The following ERC1 variants were observed in gnomAD, a reference collection of about 807,000 sequenced individuals.
ERC1 encodes ELKS/RAB6-interacting/CAST family member 1, also known as RAB6 interacting protein 2.
A neutral mutation model predicts 132.0 loss-of-function variants in ERC1; 56 were observed. The observed-to-expected ratio is 0.42, with a 90% CI of 0.34 to 0.53. ERC1 has a LOEUF of 0.53. Among genes scored for constraint, ERC1 ranks in the 20% least tolerant of loss-of-function variants. The pLI is 0.03. For missense variants in ERC1, 1,202 were observed against 1,349.9 expected, an observed-to-expected ratio of 0.89 and a Z score of 1.72; for synonymous variants, 478 against 476.1, an observed-to-expected ratio of 1.00 and a Z score of -0.05.
intron 8 of ERC1, among the ~76,000 whole-genome samples, chr12:1,161,993 T>A (rs924246657): frequency 6.6e-6 from 1 of 152,248 alleles, no homozygotes; most frequent in East Asian, 1.9e-4. Flanking sequence ...CTGAGCACAA[T>A]GGCAGTTATG....
At chr12:1,140,506 C>T (rs1283479714) in intron 7 of ERC1, among the ~76,000 whole-genome samples, 1 of 152,140 alleles carries the variant, frequency 6.6e-6, no homozygotes, top group Non-Finnish European at 1.5e-5. Flanking sequence ...TCAAAAAGTT[C>T]TGGAGTTTGG....
intron 17 of ERC1, among the ~76,000 whole-genome samples, chr12:1,434,193 T>G (rs2092885870): frequency 6.6e-6 from 1 of 152,172 alleles, no homozygotes; most frequent in South Asian, 2.1e-4. Context: ...ATTCTCTGAT[T>G]ATATCAAAAA....
At chr12:1,022,243 A>G (rs1966496598) in intron 1 of ERC1, among the ~76,000 whole-genome samples, 2 of 152,308 alleles carry the variant, frequency 1.3e-5, no homozygotes, top group South Asian at 4.1e-4. Flanking sequence ...ATTGTGATCC[A>G]GTATGCACAT....
intron 1 of ERC1, among the ~76,000 whole-genome samples, chr12:1,018,226 G>C (rs532984828): frequency 2.0e-5 from 3 of 152,196 alleles, no homozygotes; most frequent in African/African-American, 7.2e-5. Flanking sequence ...TTTTTATTCA[G>C]AGTCTCACTC....
At chr12:1,000,591 C>T (rs960106635) in intron 1 of ERC1, among the ~76,000 whole-genome samples, 3 of 151,382 alleles carry the variant, frequency 2.0e-5, no homozygotes, top group South Asian at 2.1e-4. Context: ...GGTGAAACCC[C>T]GTCTCTACTA....
At position 1,493,546 on chromosome 12, in the gene ERC1, A is replaced by AGTATATATATATAT. The variant is rs58984591; in HGVS notation, c.*3316_*3317insGTATATATATATAT. ...AGACTCCATTTAAAAAAAAAAAAAAAAAATATATATATATATATATATATA... is the reference window on the plus strand; with the variant it reads ...AGACTCCATTTAAAAAAAAAAAAAAAGTATATATATATATAAATATATATATATATATATATATA... On this transcript the variant is annotated 3_prime_UTR_variant, in exon 19 of 19. Transcript: ENST00000360905. 4.2e-5 allele frequency: 1 copy of AGTATATATATATAT among 24,062 alleles called. No individual in the cohort carries two copies. The allele number at this position is 24,062 out of a possible 1,614,324, so 1.5% of individuals were successfully genotyped here. A position where few individuals can be genotyped will look rare whatever the true frequency, so the allele number is the denominator to read the frequency against.
At chr12:1,434,631 G>A (rs997038353) in intron 17 of ERC1, among the ~76,000 whole-genome samples, 7 of 152,182 alleles carry the variant, frequency 4.6e-5, no homozygotes, top group Non-Finnish European at 8.8e-5. Context: ...TTGATCTCCA[G>A]TCCCTGCTTA....
In ERC1 at chr12:1,492,232, G is replaced by C. The variant is rs1592395454; in HGVS notation, c.*2002G>C. On this transcript the variant is annotated 3_prime_UTR_variant, in exon 19 of 19. Transcript: ENST00000360905. ...AGGCTGGCCAGAGAGGGGTGCAGGGGTTAGATAGTAAGTGGTGGTCGTTTG... is the reference window on the plus strand; with the variant it reads ...AGGCTGGCCAGAGAGGGGTGCAGGGCTTAGATAGTAAGTGGTGGTCGTTTG... The C allele has an allele frequency of 4.3e-6, 1 of 233,278 alleles. No homozygotes were observed. Among genetic ancestry groups the C allele is most frequent in the Non-Finnish European group, 8.5e-6 (1 of 118,062 alleles). 14.5% of individuals were successfully genotyped at this position (233,278 alleles called of 1,614,324 possible).
At chr12:1,276,457 C>T (rs2078279388) in intron 14 of ERC1, among the ~76,000 whole-genome samples, 3 of 152,024 alleles carry the variant, frequency 2.0e-5, no homozygotes, top group African/African-American at 7.2e-5. Context: ...CCAGGCTGGT[C>T]TCGAACTCCT....
intron 8 of ERC1, among the ~76,000 whole-genome samples, chr12:1,142,444 G>T (rs1358531046): frequency 6.6e-6 from 1 of 152,090 alleles, no homozygotes; most frequent in African/African-American, 2.4e-5. Context: ...AAAAAATGTT[G>T]TACATGTTTA....
At chr12:1,054,470 C>T (rs1420053819) in intron 2 of ERC1, among the ~76,000 whole-genome samples, 1 of 151,794 alleles carries the variant, frequency 6.6e-6, no homozygotes, top group African/African-American at 2.4e-5. Flanking sequence ...CTAGTTTGTC[C>T]CTTGCCTGTT....
At chr12:1,129,952 A>G (rs1048641313) in intron 7 of ERC1, among the ~76,000 whole-genome samples, 15 of 152,150 alleles carry the variant, frequency 9.9e-5, no homozygotes, top group African/African-American at 3.1e-4. Context: ...AAAACTCGCA[A>G]ATCAATTGAG....
intron 14 of ERC1, among the ~76,000 whole-genome samples, chr12:1,288,203 G>A (rs2079166876): frequency 6.6e-6 from 1 of 152,142 alleles, no homozygotes; most frequent in Admixed American, 6.5e-5. Context: ...GGAATCAATG[G>A]TATATGTTCA....
chr12:1,214,303 G>T (rs1341923514), intron 12 of ERC1, among the ~76,000 whole-genome samples: 4 of 152,176 alleles, frequency 2.6e-5, no homozygotes, highest in Non-Finnish European at 4.4e-5. Flanking sequence ...TTTGGGTAAT[G>T]ATTTAATTTT....
chr12:1,190,505 G>A (rs892932817), intron 12 of ERC1, among the ~76,000 whole-genome samples: 2 of 152,152 alleles, frequency 1.3e-5, no homozygotes, highest in African/African-American at 4.8e-5. Flanking sequence ...TTGTTGAAAA[G>A]CACGCTGTTA....
intron 1 of ERC1, among the ~76,000 whole-genome samples, chr12:1,016,157 C>T (rs991463484): frequency 3.9e-5 from 6 of 152,054 alleles, no homozygotes; most frequent in Non-Finnish European, 5.9e-5. Context: ...TGGTATATTA[C>T]ATCAGGTTGG....
At chr12:1,474,497 C>T (rs575795855) in intron 18 of ERC1, among the ~76,000 whole-genome samples, 1 of 152,280 alleles carries the variant, frequency 6.6e-6, no homozygotes, top group East Asian at 1.9e-4. Flanking sequence ...TGTATTTTCT[C>T]TTTTACAAAT....
chr12:1,325,579 C>A (rs111959223), intron 15 of ERC1, among the ~76,000 whole-genome samples: 5,269 of 152,146 alleles, frequency 0.035, 97 homozygotes, highest in Middle Eastern at 0.075. Context: ...GAAGTTTGAC[C>A]AGACAGTTCA....
intron 1 of ERC1, among the ~76,000 whole-genome samples, chr12:1,008,569 G>T (rs1209611546): frequency 6.6e-6 from 1 of 152,028 alleles, no homozygotes; most frequent in Non-Finnish European, 1.5e-5. Flanking sequence ...GAGCCACCAT[G>T]CCCGGCCACA....
Sources: allele counts gnomAD v4.1 joint callset (sites outside exome capture counted in the v4.1 genomes callset), GRCh38; gene constraint gnomAD v4.1.1; transcripts MANE v1.5; gene names NCBI Gene and HGNC (gene_info 2026-07-23, HGNC 2026-07-21).